The following GRIK4 variants were observed in gnomAD, a reference collection of about 807,000 sequenced individuals.
GRIK4 encodes glutamate ionotropic receptor kainate type subunit 4, also known as glutamate receptor ionotropic, kainate 4.
In GRIK4, 40 loss-of-function variants were observed where a neutral mutation model predicts 104.9. The observed-to-expected ratio is 0.38, with a 90% CI of 0.30 to 0.50. The LOEUF is 0.50. Ranked by LOEUF, GRIK4 falls within the 20% of genes least tolerant of loss-of-function variation. The pLI is 0.93. For missense variants in GRIK4, 1,047 were observed against 1,308.1 expected (o/e 0.80, Z 3.08); for synonymous variants, 485 against 524.9 (o/e 0.92, Z 1.04).
chr11:120,512,409 C>G (rs1313156397), intron 1 of GRIK4, among the ~76,000 whole-genome samples: 2 of 151,918 alleles, frequency 1.3e-5, no homozygotes, highest in Admixed American at 6.6e-5. Flanking sequence ...CAAGCCCCCT[C>G]CCCCTTTCCT....
Position 120,956,963 on chromosome 11 carries a change from C to T in GRIK4, c.1874+10C>T, listed in dbSNP as rs752069583. 1 of 1,584,016 alleles carries T rather than the reference C, an allele frequency of 6.3e-7. No homozygotes were observed. Among genetic ancestry groups the T allele is most frequent in the Non-Finnish European group, 8.6e-7 (1 of 1,163,882 alleles). ...GTGTCAGTGGCGTCTGGTAAGGCCC[C>T]AGGCAGAGGTGAACCAGGCCAGGTG... On this transcript the variant is annotated intron_variant, in intron 16 of 20. Transcript: ENST00000527524. This position sits in a 1 kb window ranked among gnomAD's most constrained non-coding sequence, Gnocchi z 4.6.
At chr11:120,764,662 A>G (rs1951802051) in intron 3 of GRIK4, among the ~76,000 whole-genome samples, 1 of 151,722 alleles carries the variant, frequency 6.6e-6, no homozygotes, top group Non-Finnish European at 1.5e-5. Context: ...TGGTGATAAA[A>G]TCCCTCAGCA....
intron 1 of GRIK4, among the ~76,000 whole-genome samples, chr11:120,612,373 C>T (rs996196809): frequency 1.3e-5 from 2 of 152,144 alleles, no homozygotes; most frequent in African/African-American, 2.4e-5. Context: ...ATCCATTCTA[C>T]ATTCCGTGAG....
rs192985761 is a variant in GRIK4, at chr11:120,795,940, T to C, written c.83-6753T>C. Among the ~76,000 whole-genome samples, 340 of 152,330 alleles carry C rather than the reference T, an allele frequency of 2.2e-3. 2 individuals are homozygous for C. Among genetic ancestry groups the C allele is most frequent in the Non-Finnish European group, 6.0e-4 (41 of 68,038 alleles). ...ATCTCTAGATTACTTCTTTACCTAA[T>C]ACAGTATAAGTGTTATGCAAATAGT... On this transcript the variant is annotated intron_variant, in intron 3 of 20. Transcript: ENST00000527524.
chr11:120,582,781 C>T (rs140383000), intron 1 of GRIK4, among the ~76,000 whole-genome samples: 1 of 152,202 alleles, frequency 6.6e-6, no homozygotes, highest in East Asian at 1.9e-4. Context: ...AGGTTGATTC[C>T]ATGTCTTTGC....
chr11:120,933,484 G>A (rs566613010), intron 13 of GRIK4, among the ~76,000 whole-genome samples: 8 of 152,188 alleles, frequency 5.3e-5, no homozygotes, highest in Non-Finnish European at 7.4e-5. Context: ...TATTATACCC[G>A]CGTTACAGAT....
chr11:120,731,997 C>A (rs1194731216), intron 3 of GRIK4, among the ~76,000 whole-genome samples: 1 of 151,974 alleles, frequency 6.6e-6, no homozygotes. Flanking sequence ...TTTCAAAAAA[C>A]CAACTCTCTG....
At position 120,675,311 on chromosome 11, in the gene GRIK4, G is replaced by A. The variant is rs184674771; in HGVS notation, c.82+14911G>A. ...TGCAGTTGGCTTATAGTTGCAGCCT[G>A]GGTGGGACTCCCTTCTGGGTCTGGA... On this transcript the variant is annotated intron_variant, in intron 3 of 20. Transcript: ENST00000527524. Among the ~76,000 whole-genome samples the A allele has an allele frequency of 9.2e-5, 14 of 152,322 alleles. No homozygotes were observed. The East Asian group carries it at 2.7e-3, about 30-fold the overall frequency.
chr11:120,987,532 G>A lies in GRIK4; in HGVS notation c.*1272G>A, dbSNP rs1295451520. 1 of 152,282 alleles carries A rather than the reference G, an allele frequency of 6.6e-6. No individual in the cohort carries two copies. The highest frequency in any genetic ancestry group is 1.9e-4 in the East Asian group (1 of 5,192). 9.4% of individuals were successfully genotyped at this position (152,282 alleles called of 1,614,324 possible). ...GTATTCAAGAATTTGCTAGGTTCCTGGGAGAGAGGTGGAGTCTCCTAGTCA... is the reference window on the plus strand; with the variant it reads ...GTATTCAAGAATTTGCTAGGTTCCTAGGAGAGAGGTGGAGTCTCCTAGTCA... On this transcript the variant is annotated 3_prime_UTR_variant, in exon 21 of 21. Coordinates refer to ENST00000527524, the MANE Select transcript of GRIK4 (RefSeq NM_014619.5).
chr11:120,536,149 A>T (rs1001647084), intron 1 of GRIK4, among the ~76,000 whole-genome samples: 2 of 152,244 alleles, frequency 1.3e-5, no homozygotes, highest in Admixed American at 1.3e-4. Context: ...TTCACAAAGA[A>T]CAGAAAGGTA....
chr11:120,516,574 G>C (rs960671532), intron 1 of GRIK4, among the ~76,000 whole-genome samples: 1 of 152,090 alleles, frequency 6.6e-6, no homozygotes, highest in Non-Finnish European at 1.5e-5. Context: ...CAGCAGGCTC[G>C]GGGGAGCCGG....
chr11:120,594,773 C>G (rs1205194692), intron 1 of GRIK4, among the ~76,000 whole-genome samples: 1 of 152,190 alleles, frequency 6.6e-6, no homozygotes, highest in East Asian at 1.9e-4. Context: ...ATCCAATTCA[C>G]TCATAGCCGT....
chr11:120,901,439 T>C (rs1942735598), intron 12 of GRIK4, among the ~76,000 whole-genome samples: 1 of 152,178 alleles, frequency 6.6e-6, no homozygotes, highest in Non-Finnish European at 1.5e-5. Context: ...TTCAAGGCTC[T>C]GCTCAGATGT....
chr11:120,696,474 G>A (rs988588794), intron 3 of GRIK4, among the ~76,000 whole-genome samples: 9 of 136,842 alleles, frequency 6.6e-5, no homozygotes, highest in African/African-American at 2.1e-4. Flanking sequence ...CTAGATAGAG[G>A]TGTCAGTGGG....
chr11:120,882,960 C>T (rs1309995879), intron 11 of GRIK4, among the ~76,000 whole-genome samples: 4 of 152,208 alleles, frequency 2.6e-5, no homozygotes, highest in Non-Finnish European at 5.9e-5. Context: ...GCTACTCCTA[C>T]TCACGTCTCC....
At chr11:120,702,902 A>G (rs1004073723) in intron 3 of GRIK4, among the ~76,000 whole-genome samples, 6 of 152,228 alleles carry the variant, frequency 3.9e-5, no homozygotes, top group Non-Finnish European at 8.8e-5. Flanking sequence ...AAAGGAAGTT[A>G]CCAGCACACT....
At chr11:120,646,783 G>T (rs1380230464) in intron 1 of GRIK4, among the ~76,000 whole-genome samples, 6 of 152,210 alleles carry the variant, frequency 3.9e-5, no homozygotes, top group African/African-American at 1.4e-4. Flanking sequence ...GAAGAAGAAT[G>T]CTAGGAACTA....
Position 120,790,258 on chromosome 11 carries a change from G to A in GRIK4, c.83-12435G>A, listed in dbSNP as rs1952368702. Among the ~76,000 whole-genome samples, 2 of 152,130 alleles carry A rather than the reference G, an allele frequency of 1.3e-5. 1 individual carries two copies. The highest frequency in any genetic ancestry group is 4.1e-4 in the South Asian group (2 of 4,826). On this transcript the variant is annotated intron_variant, in intron 3 of 20. Coordinates refer to ENST00000527524, the MANE Select transcript of GRIK4 (RefSeq NM_014619.5). ...AAGATAGGTGTTTAATAGGTATTTG[G>A]TGAATTAATAAAGAAAGGAATGATT... is the stretch of plus-strand genomic sequence containing the variant.
chr11:120,956,072 A>G lies in GRIK4; in HGVS notation c.1701-708A>G, dbSNP rs1410543238. Among the ~76,000 whole-genome samples the G allele has an allele frequency of 6.6e-6, 1 of 152,160 alleles. No homozygotes were observed. Among genetic ancestry groups the G allele is most frequent in the Non-Finnish European group, 1.5e-5 (1 of 68,028 alleles). ...GCTGGAGGGCCACTGCTCTAGGCTGAGGGTCTTCAAACCGTGGTTCTAAGG... is the reference window on the plus strand; with the variant it reads ...GCTGGAGGGCCACTGCTCTAGGCTGGGGGTCTTCAAACCGTGGTTCTAAGG... On this transcript the variant is annotated intron_variant, in intron 15 of 20. Transcript: ENST00000527524. This position sits in a 1 kb window ranked among gnomAD's most constrained non-coding sequence, Gnocchi z 4.6.
Sources: allele counts gnomAD v4.1 joint callset (sites outside exome capture counted in the v4.1 genomes callset), GRCh38; gene constraint gnomAD v4.1.1; non-coding constraint Gnocchi (gnomAD v3.1); transcripts MANE v1.5; gene names NCBI Gene and HGNC (gene_info 2026-07-23, HGNC 2026-07-21).